Variants in PTK2 observed in about 807,000 individuals in gnomAD.
PTK2 encodes the protein protein tyrosine kinase 2.
Under a neutral mutation model 150.1 loss-of-function variants are expected in PTK2, and 45 were observed. The ratio of observed to expected loss-of-function variants is 0.30; its 90% confidence interval spans 0.24 to 0.38. The LOEUF is 0.38. PTK2 is among the 10% of genes least tolerant of loss of function. PTK2 has a pLI of 1.00. For missense variants in PTK2, 919 were observed against 1,307.3 expected (o/e 0.70, Z 4.58); for synonymous variants, 432 against 449.2 (o/e 0.96, Z 0.48).
intron 10 of PTK2, among the ~76,000 whole-genome samples, chr8:140,813,507 C>T (rs1386729693): frequency 6.6e-6 from 1 of 151,658 alleles, no homozygotes; most frequent in Non-Finnish European, 1.5e-5. Flanking sequence ...CAAAACCACA[C>T]AATTACATGG....
chr8:140,661,190 TAA>T (rs2079294429), intron 31 of PTK2, among the ~76,000 whole-genome samples: 1 of 152,130 alleles, frequency 6.6e-6, no homozygotes, highest in African/African-American at 2.4e-5. Context: ...GCAAGAGGGA[TAA>T]GAGATTTTTA....
chr8:140,918,783 G>A (rs1231739871), intron 2 of PTK2, among the ~76,000 whole-genome samples: 2 of 152,190 alleles, frequency 1.3e-5, no homozygotes, highest in Non-Finnish European at 2.9e-5. Context: ...AAAATCAAAT[G>A]TGTGGTTTAG....
intron 17 of PTK2, among the ~76,000 whole-genome samples, chr8:140,747,812 G>A (rs1440436950): frequency 2.0e-5 from 3 of 151,456 alleles, no homozygotes; most frequent in African/African-American, 7.3e-5. Context: ...AGGAAGTGAA[G>A]GAGAAGAAAG....
chr8:140,659,927 G>C (rs2077052405), intron 31 of PTK2, among the ~76,000 whole-genome samples: 1 of 151,964 alleles, frequency 6.6e-6, no homozygotes, highest in Non-Finnish European at 1.5e-5. Context: ...TTTATTTCCT[G>C]TAAATAAATC....
chr8:140,742,020 C>T (rs1455174245), intron 20 of PTK2, among the ~76,000 whole-genome samples: 1 of 152,166 alleles, frequency 6.6e-6, no homozygotes, highest in Admixed American at 6.5e-5. Flanking sequence ...CCCGTAGTAC[C>T]AGCAATTTGG....
intron 8 of PTK2, among the ~76,000 whole-genome samples, chr8:140,830,084 T>TACACACACACACACAC (rs67413157): frequency 6.7e-6 from 1 of 149,286 alleles, no homozygotes; most frequent in Admixed American, 6.7e-5. Flanking sequence ...CGCACACACA[T>TACACACACACACACAC]ACACACACAC....
intron 2 of PTK2, among the ~76,000 whole-genome samples, chr8:140,919,750 G>C (rs969098535): frequency 6.6e-6 from 1 of 152,064 alleles, no homozygotes; most frequent in Non-Finnish European, 1.5e-5. Context: ...AAATCCAAGA[G>C]TGTAAATTTA....
chr8:140,731,565 A>G (rs1291847936), intron 22 of PTK2, among the ~76,000 whole-genome samples: 2 of 152,134 alleles, frequency 1.3e-5, no homozygotes, highest in African/African-American at 2.4e-5. Flanking sequence ...AACATGTTCC[A>G]TACCAAAAAT....
chr8:140,863,652 A>AGACTCTTCTATGCACAGT (rs2100137580), intron 5 of PTK2, among the ~76,000 whole-genome samples: 1 of 152,220 alleles, frequency 6.6e-6, no homozygotes, highest in Non-Finnish European at 1.5e-5. Context: ...CTGGGTCAGC[A>AGACTCTTCTATGCACAGT]GACTCTTCTA....
chr8:140,765,032 T>C (rs1417292489), intron 14 of PTK2: 1 of 152,180 alleles, frequency 6.6e-6, no homozygotes, highest in Non-Finnish European at 1.5e-5. Flanking sequence ...AATTTAAAAA[T>C]ACCCATCTGA....
intron 1 of PTK2, among the ~76,000 whole-genome samples, chr8:140,937,229 AAT>A (rs1384005755): frequency 1.3e-5 from 2 of 152,214 alleles, no homozygotes; most frequent in African/African-American, 4.8e-5. Context: ...AACTGCAAAA[AAT>A]ATGTTAAAGA....
At chr8:140,673,350 C>T (rs891088225) in intron 29 of PTK2, among the ~76,000 whole-genome samples, 2 of 151,934 alleles carry the variant, frequency 1.3e-5, no homozygotes, top group East Asian at 3.9e-4. Flanking sequence ...CCTTGTGATC[C>T]GCCCGTCTTG....
rs1007724704 is a variant in PTK2 at position 140,969,526 on chromosome 8, C to T, written c.-122+31599G>A. On this transcript the variant is annotated intron_variant, in intron 1 of 31. Coordinates refer to ENST00000522684, the Ensembl canonical transcript of PTK2. ...TAGATATTACTTCCTCTGTCAGCTG[C>T]AACTGACAGGTAATTATTCCTGCTT... is the stretch of plus-strand genomic sequence containing the variant. Among the ~76,000 whole-genome samples the T allele has an allele frequency of 2.6e-5, 4 of 152,180 alleles. No homozygotes were observed. In the East Asian group the frequency reaches 7.7e-4, roughly 29 times the overall value.
chr8:140,877,346 T>C (rs2100146256), intron 4 of PTK2, among the ~76,000 whole-genome samples: 1 of 152,150 alleles, frequency 6.6e-6, no homozygotes, highest in African/African-American at 2.4e-5. Context: ...CTTTCACTAA[T>C]CTTAAAAGCC....
intron 26 of PTK2, chr8:140,687,003 G>A (rs574254318): frequency 3.3e-6 from 1 of 306,496 alleles, no homozygotes. Context: ...TGAGATACCC[G>A]CAACCCCAGG....
chr8:140,949,598 C>T (rs183075038), intron 1 of PTK2, among the ~76,000 whole-genome samples: 30 of 152,340 alleles, frequency 2.0e-4, no homozygotes, highest in Admixed American at 1.5e-3. Flanking sequence ...CTCGAGGCAG[C>T]GCTGACACAC....
intron 14 of PTK2, 146 bp from the exon 17 acceptor site, chr8:140,764,436 C>G (rs2100071166): frequency 1.6e-6 from 1 of 628,488 alleles, no homozygotes; most frequent in Non-Finnish European, 2.8e-6. Flanking sequence ...ATTTTGCTCA[C>G]ACATGAGTCA....
chr8:140,951,122 A>G (rs566730618), intron 1 of PTK2, among the ~76,000 whole-genome samples: 1 of 152,038 alleles, frequency 6.6e-6, no homozygotes, highest in Non-Finnish European at 1.5e-5. Flanking sequence ...CTTTCTGTCC[A>G]TCACCTTCCC....
intron 1 of PTK2, among the ~76,000 whole-genome samples, chr8:140,935,696 C>G (rs1444288200): frequency 1.3e-5 from 1 of 77,036 alleles, no homozygotes; most frequent in Admixed American, 2.2e-4. Flanking sequence ...CTCAGTATGT[C>G]CTCATCTTTT....
Sources: gnomAD v4.1 joint callset for allele counts (sites outside exome capture counted in the v4.1 genomes callset) on GRCh38, gnomAD v4.1.1 for gene constraint, MANE v1.5 for transcripts, NCBI Gene and HGNC (gene_info 2026-07-23, HGNC 2026-07-21) for gene names.